Variants in LRP5 observed in about 807,000 individuals in gnomAD.
LRP5 encodes the protein LDL receptor related protein 5.
LRP5 carries 62 observed loss-of-function variants against 154.1 expected under a neutral mutation model. That is an observed-to-expected ratio of 0.40 (90% CI 0.33 to 0.50). LRP5 has a LOEUF of 0.50. Among genes scored for constraint, LRP5 ranks in the 20% least tolerant of loss-of-function variants. The pLI, the probability that LRP5 is intolerant of heterozygous loss-of-function variation, is 0.55. For missense variants in LRP5, 1,915 were observed against 2,336.7 expected (o/e 0.82, Z 3.72); for synonymous variants, 966 against 1,011.5 (o/e 0.96, Z 0.85).
chr11:68,380,746 G>C (rs1331562478), intron 5 of LRP5, among the ~76,000 whole-genome samples: 1 of 152,242 alleles, frequency 6.6e-6, no homozygotes, highest in African/African-American at 2.4e-5. Context: ...GTGGGTGCCA[G>C]GCCTCCACGC....
intron 1 of LRP5, among the ~76,000 whole-genome samples, chr11:68,338,813 T>C (rs554175754): frequency 5.3e-5 from 8 of 152,024 alleles, no homozygotes; most frequent in Non-Finnish European, 8.8e-5. Context: ...TGCATTCCCA[T>C]TGGGATGAAG....
At chr11:68,306,892 G>C in the LRP5 span, among the ~76,000 whole-genome samples, 2 of 152,312 alleles carry the variant, frequency 1.3e-5, no homozygotes, top group Admixed American at 1.3e-4. Flanking sequence ...GGAGAGAAGT[G>C]GAGGGTGACA....
chr11:68,446,151 C>T (rs1177905582), intron 21 of LRP5, among the ~76,000 whole-genome samples: 1 of 152,246 alleles, frequency 6.6e-6, no homozygotes, highest in African/African-American at 2.4e-5. Context: ...CTGTCCCCGC[C>T]TTCACAGCCC....
intron 9 of LRP5, among the ~76,000 whole-genome samples, chr11:68,409,216 T>TATTATATAATATATAATAA (rs2098657894): frequency 1.6e-5 from 1 of 61,024 alleles, no homozygotes; most frequent in Non-Finnish European, 3.8e-5. Flanking sequence ...AGTAAATATA[T>TATTATATAATATATAATAA]AATATATAAT....
At chr11:68,329,417 T>C (rs2098601505) in intron 1 of LRP5, among the ~76,000 whole-genome samples, 1 of 152,206 alleles carries the variant, frequency 6.6e-6, no homozygotes. Context: ...TCAAATTTGG[T>C]ATAGGCAAAA....
intron 18 of LRP5, among the ~76,000 whole-genome samples, chr11:68,434,141 A>G (rs184447584): frequency 5.4e-4 from 82 of 152,112 alleles, no homozygotes; most frequent in African/African-American, 1.9e-3. Flanking sequence ...CATGGCTCAC[A>G]CCCTGGAAAA....
At chr11:68,420,745 T>C (rs1267784831) in intron 13 of LRP5, among the ~76,000 whole-genome samples, 1 of 151,982 alleles carries the variant, frequency 6.6e-6, no homozygotes, top group African/African-American at 2.4e-5. Context: ...ACGGACCACT[T>C]CTTGTTATTT....
intron 7 of LRP5, among the ~76,000 whole-genome samples, chr11:68,402,630 CCCAGGTCCTTATATTTGCT>C (rs966129676): frequency 1.3e-5 from 2 of 151,830 alleles, no homozygotes; most frequent in African/African-American, 4.8e-5. Flanking sequence ...TCATAACTGC[CCCAGGTCCTTATATTTGCT>C]CCAGGTCCTG....
chr11:68,375,613 C>CAAGAA (rs2098636926), intron 5 of LRP5, among the ~76,000 whole-genome samples: 9 of 152,214 alleles, frequency 5.9e-5, no homozygotes, highest in Admixed American at 5.2e-4. Flanking sequence ...GGAGCTTCTT[C>CAAGAA]CTCTTCCTGT....
Position 68,312,709 on chromosome 11 carries a change from G to T in LRP5, c.-6G>T. ...GCGGCGCGGGCCCGTCCGGCCGCCG[G>T]ACAACATGGAGGCAGCGCCGCCCGG... On this transcript the variant is annotated 5_prime_UTR_variant, in exon 1 of 23. Coordinates refer to ENST00000294304, the MANE Select transcript of LRP5 (RefSeq NM_002335.4). The T allele has an allele frequency of 9.8e-7, 1 of 1,021,358 alleles. No homozygotes were observed. The allele number at this position is 1,021,358 out of a possible 1,614,324, so 63.3% of individuals were successfully genotyped here.
intron 20 of LRP5, 99 bp downstream of exon 20, chr11:68,438,781 G>A: frequency 1.0e-6 from 1 of 994,892 alleles, no homozygotes; most frequent in East Asian, 2.4e-5. Flanking sequence ...AGGCCCTCTT[G>A]CACATGTGGC....
At chr11:68,421,832 G>GGT (rs144990218) in intron 13 of LRP5, among the ~76,000 whole-genome samples, 34 of 148,690 alleles carry the variant, frequency 2.3e-4, no homozygotes, top group African/African-American at 7.2e-4. Flanking sequence ...TGTGGTGTGT[G>GGT]GTGTGTGTGT....
intron 1 of LRP5, among the ~76,000 whole-genome samples, chr11:68,336,879 C>T (rs1026915499): frequency 6.6e-6 from 1 of 152,236 alleles, no homozygotes; most frequent in Non-Finnish European, 1.5e-5. Flanking sequence ...CTGGTAACCA[C>T]TGCCACCATC....
chr11:68,377,257 C>G (rs558518989), intron 5 of LRP5, among the ~76,000 whole-genome samples: 1 of 152,150 alleles, frequency 6.6e-6, no homozygotes, highest in African/African-American at 2.4e-5. Context: ...TTCCTGAGGC[C>G]GGCACTGACT....
At chr11:68,312,945 A>C in intron 1 of LRP5, 140 bp downstream of exon 1, 2 of 280,706 alleles carry the variant, frequency 7.1e-6, no homozygotes, top group Non-Finnish European at 1.1e-5. Context: ...CGCGCCCGGG[A>C]TCCCCCTGCC....
chr11:68,411,713 C>T, intron 11 of LRP5, 93 bp downstream of exon 11: 1 of 1,320,376 alleles, frequency 7.6e-7, no homozygotes, highest in Non-Finnish European at 1.0e-6. Context: ...CTGTGGCCTG[C>T]AAGTTCCCCA....
intron 18 of LRP5, among the ~76,000 whole-genome samples, chr11:68,435,094 G>C (rs914944199): frequency 2.0e-5 from 3 of 152,206 alleles, no homozygotes; most frequent in African/African-American, 7.2e-5. Flanking sequence ...GTCTGTGGCT[G>C]CTTTCATGCC....
At chr11:68,387,134 A>C (rs1023284291) in intron 6 of LRP5, among the ~76,000 whole-genome samples, 1 of 138,522 alleles carries the variant, frequency 7.2e-6, no homozygotes, top group Non-Finnish European at 1.5e-5. Context: ...TTTTTTTTTG[A>C]GATGGAGTCT....
intron 9 of LRP5, among the ~76,000 whole-genome samples, chr11:68,409,051 GAAAAAAAAAAAAA>G (rs57069059): frequency 2.1e-4 from 11 of 51,428 alleles, no homozygotes; most frequent in African/African-American, 1.0e-3. Context: ...CTTATCTGGG[GAAAAAAAAAAAAA>G]AAAAAAAAAA....
Sources: allele counts gnomAD v4.1 joint callset (sites outside exome capture counted in the v4.1 genomes callset), GRCh38; gene constraint gnomAD v4.1.1; transcripts MANE v1.5; gene names NCBI Gene and HGNC (gene_info 2026-07-23, HGNC 2026-07-21).